The following AIG1 variants were observed in gnomAD, a reference collection of about 807,000 sequenced individuals.
AIG1 encodes androgen induced 1, also known as androgen-induced gene 1 protein.
AIG1 carries 23 observed loss-of-function variants against 31.4 expected under a neutral mutation model. The ratio of observed to expected loss-of-function variants is 0.73; its 90% CI spans 0.53 to 1.04. The LOEUF is 1.04. Among genes scored for constraint, AIG1 ranks in the 50% least tolerant of loss-of-function variants. The probability of loss-of-function intolerance (pLI) is 0.00; values close to 1 mark genes in which losing one functional copy is unlikely to be tolerated. For synonymous variants in AIG1, 100 were observed against 110.5 expected (o/e 0.90, Z 0.60); for missense variants, 274 against 295.0 (o/e 0.93, Z 0.52).
Position 143,187,746 on chromosome 6 carries a change from A to G in AIG1, c.399+22563A>G, listed in dbSNP as rs999568955. The G allele has an allele frequency of 3.3e-6, 5 of 1,535,120 alleles. No homozygotes were observed. The African/African-American group carries it at 4.1e-5, about 13-fold the overall frequency. ...ATGACTAAAGGATTGACCTGGTGCC[A>G]TGCATGCTGCTCTGCACAAGAAGGA... On this transcript the variant is annotated intron_variant, in intron 3 of 5. Transcript: ENST00000357847.
intron 3 of AIG1, among the ~76,000 whole-genome samples, chr6:143,278,792 C>T (rs1245912634): frequency 6.6e-6 from 1 of 152,082 alleles, no homozygotes; most frequent in Non-Finnish European, 1.5e-5. Context: ...TCTTTAGTGC[C>T]CCTCTATACT....
chr6:143,138,258 A>G lies in AIG1; in HGVS notation c.297+1268A>G, dbSNP rs9484705. On this transcript the variant is annotated intron_variant, in intron 2 of 5. Coordinates refer to ENST00000357847, the MANE Select transcript of AIG1 (RefSeq NM_016108.4). Reference sequence around the variant, plus strand: ...AATCTCTCAGATTCCATTGTTTAGCATAGCAGAGTTTAATGCTTTCCATAT... The same window carrying G: ...AATCTCTCAGATTCCATTGTTTAGCGTAGCAGAGTTTAATGCTTTCCATAT... Among the ~76,000 whole-genome samples, 788 of 152,352 alleles carry G rather than the reference A, an allele frequency of 5.2e-3. 10 individuals are homozygous for G. Among genetic ancestry groups the G allele is most frequent in the African/African-American group, 0.018 (763 of 41,590 alleles).
At chr6:143,097,231 C>T (rs1322611093) in intron 1 of AIG1, among the ~76,000 whole-genome samples, 2 of 151,664 alleles carry the variant, frequency 1.3e-5, no homozygotes, top group African/African-American at 4.8e-5. Context: ...GGGGCTTGCT[C>T]TGTTACTTTG....
chr6:143,196,199 A>G (rs1453034570), intron 3 of AIG1, among the ~76,000 whole-genome samples: 1 of 152,232 alleles, frequency 6.6e-6, no homozygotes, highest in African/African-American at 2.4e-5. Context: ...TAATCTGTAA[A>G]TAAAAAGGAG....
intron 3 of AIG1, among the ~76,000 whole-genome samples, chr6:143,206,852 C>T (rs1054511425): frequency 6.6e-6 from 1 of 152,092 alleles, no homozygotes; most frequent in African/African-American, 2.4e-5. Flanking sequence ...TGGAGGCCAA[C>T]TTAAATGAGC....
chr6:143,170,857 C>T (rs2128572126), intron 3 of AIG1, among the ~76,000 whole-genome samples: 1 of 144,956 alleles, frequency 6.9e-6, no homozygotes. Context: ...ACCACCTGTT[C>T]CCCAAAAACC....
intron 3 of AIG1, among the ~76,000 whole-genome samples, chr6:143,170,422 C>T (rs572511129): frequency 1.3e-5 from 2 of 151,944 alleles, no homozygotes; most frequent in Non-Finnish European, 2.9e-5. Flanking sequence ...TCTTGATCTG[C>T]AGTCAAGTGC....
rs1198493525 is a variant in AIG1 at position 143,333,773 on chromosome 6, G to T, written c.679+328G>T. Among the ~76,000 whole-genome samples, 1 of 152,096 alleles carries T rather than the reference G, an allele frequency of 6.6e-6. No homozygotes were observed. The highest frequency in any genetic ancestry group is 1.5e-5 in the Non-Finnish European group (1 of 68,022). On this transcript the variant is annotated intron_variant, in intron 5 of 5. Transcript: ENST00000357847. This position sits in a 1 kb window ranked among gnomAD's most constrained non-coding sequence, Gnocchi z 4.6. Reference sequence around the variant, plus strand: ...TTGTCCTCATTAACAACACAATGCTGCCTTAGTTAGCTAAAGGGACCTCAA... The same window carrying T: ...TTGTCCTCATTAACAACACAATGCTTCCTTAGTTAGCTAAAGGGACCTCAA...
chr6:143,210,015 A>G (rs922965820), intron 3 of AIG1, among the ~76,000 whole-genome samples: 1 of 152,198 alleles, frequency 6.6e-6, no homozygotes, highest in African/African-American at 2.4e-5. Flanking sequence ...CTTGAATTGT[A>G]GTTCCCATAA....
intron 1 of AIG1, chr6:143,126,351 T>C (rs559537160): frequency 6.6e-6 from 1 of 152,316 alleles, no homozygotes; most frequent in Admixed American, 6.5e-5. Flanking sequence ...TACCGGGTGT[T>C]CAGATGTCTC....
chr6:143,118,363 G>T (rs745938231), intron 1 of AIG1, among the ~76,000 whole-genome samples: 3 of 152,030 alleles, frequency 2.0e-5, no homozygotes, highest in African/African-American at 7.2e-5. Flanking sequence ...AGAGGCTGAG[G>T]CAGGGGTATT....
chr6:143,191,093 A>G (rs1487802381), intron 3 of AIG1, among the ~76,000 whole-genome samples: 2 of 152,196 alleles, frequency 1.3e-5, no homozygotes, highest in African/African-American at 2.4e-5. Context: ...GAAGAACACA[A>G]AGTGAGGGAA....
intron 4 of AIG1, among the ~76,000 whole-genome samples, chr6:143,302,178 C>CTATTATTT (rs1156369228): frequency 6.7e-6 from 1 of 149,274 alleles, no homozygotes; most frequent in South Asian, 2.2e-4. Flanking sequence ...GAAACTAACA[C>CTATTATTT]TTTTATTTTT....
intron 5 of AIG1, 39 bp from the exon 6 acceptor site, chr6:143,339,600 A>G (rs1777763031): frequency 6.2e-7 from 1 of 1,606,524 alleles, no homozygotes; most frequent in Non-Finnish European, 8.5e-7. Context: ...TTGTGGTTTA[A>G]TCTGATGCTC....
At chr6:143,179,787 AAG>A (rs1472316199) in intron 3 of AIG1, among the ~76,000 whole-genome samples, 3 of 152,234 alleles carry the variant, frequency 2.0e-5, no homozygotes, top group African/African-American at 7.2e-5. Flanking sequence ...AAAATATCAA[AAG>A]AGAGAATTAT....
intron 3 of AIG1, among the ~76,000 whole-genome samples, chr6:143,233,090 T>C (rs1793563786): frequency 6.6e-6 from 1 of 152,042 alleles, no homozygotes; most frequent in Non-Finnish European, 1.5e-5. Context: ...TTGATATCCA[T>C]GAGTCTCACT....
chr6:143,342,327 G>A, downstream of AIG1: 6 of 676,150 alleles, frequency 8.9e-6, no homozygotes, highest in Admixed American at 6.3e-5. Flanking sequence ...CAGCTGCGAG[G>A]AGCTCACTGC....
Position 143,221,614 on chromosome 6 carries a change from A to G in AIG1, c.399+56431A>G, listed in dbSNP as rs939221383. On this transcript the variant is annotated intron_variant, in intron 3 of 5. Transcript: ENST00000357847. Reference sequence around the variant, plus strand: ...TCTTTTACTTGGATTATTGCATTTAATAGCTATATTATATTCTGGGAAAAT... The same window carrying G: ...TCTTTTACTTGGATTATTGCATTTAGTAGCTATATTATATTCTGGGAAAAT... Among the ~76,000 whole-genome samples the G allele has an allele frequency of 1.1e-4, 17 of 152,200 alleles. 1 individual carries two copies. The highest frequency in any genetic ancestry group is 2.2e-4 in the Non-Finnish European group (15 of 68,040).
intron 2 of AIG1, among the ~76,000 whole-genome samples, chr6:143,155,538 A>G (rs1785661463): frequency 6.6e-6 from 1 of 152,130 alleles, no homozygotes; most frequent in Non-Finnish European, 1.5e-5. Flanking sequence ...CCGTGCAGGA[A>G]TCAGAGTTAA....
Sources: gnomAD v4.1 joint callset for allele counts (sites outside exome capture counted in the v4.1 genomes callset) on GRCh38, gnomAD v4.1.1 for gene constraint, Gnocchi (gnomAD v3.1) non-coding constraint, MANE v1.5 for transcripts, NCBI Gene and HGNC (gene_info 2026-07-23, HGNC 2026-07-21) for gene names.